The following BIRC6 variants were observed in gnomAD, a reference collection of about 807,000 sequenced individuals.
BIRC6 encodes dual E2 ubiquitin-conjugating enzyme/E3 ubiquitin-protein ligase BIRC6.
BIRC6 carries 98 observed loss-of-function variants against 503.3 expected under a neutral mutation model. The ratio of observed to expected loss-of-function variants is 0.19; its 90% CI spans 0.17 to 0.23. BIRC6 has a LOEUF of 0.23. BIRC6 is among the 10% of genes least tolerant of loss of function. The pLI is 1.00. For synonymous variants in BIRC6, 2,240 were observed against 2,078.7 expected, an observed-to-expected ratio of 1.08 and a Z score of -2.11; for missense variants, 5,360 against 5,806.0, an observed-to-expected ratio of 0.92 and a Z score of 2.50.
At chr2:32,555,674 C>T (rs2058721667) in intron 65 of BIRC6, among the ~76,000 whole-genome samples, 1 of 150,818 alleles carries the variant, frequency 6.6e-6, no homozygotes, top group Non-Finnish European at 1.5e-5. Flanking sequence ...GATTATTCTA[C>T]TAATTAGAGT....
intron 1 of BIRC6, among the ~76,000 whole-genome samples, chr2:32,360,753 C>T (rs568251427): frequency 1.2e-4 from 18 of 152,214 alleles, no homozygotes; most frequent in African/African-American, 4.1e-4. Flanking sequence ...CCGTCTTGAA[C>T]TATTTAAGTT....
intron 63 of BIRC6, among the ~76,000 whole-genome samples, chr2:32,546,716 T>C (rs544422273): frequency 6.6e-6 from 1 of 152,206 alleles, no homozygotes; most frequent in Non-Finnish European, 1.5e-5. Flanking sequence ...TATAAAGATA[T>C]ATTTTAGAAT....
chr2:32,386,254 A>G (rs908521120), intron 3 of BIRC6, among the ~76,000 whole-genome samples: 9 of 152,162 alleles, frequency 5.9e-5, no homozygotes, highest in Non-Finnish European at 1.2e-4. Flanking sequence ...TAGAACTGTA[A>G]CTACCTACCA....
intron 1 of BIRC6, among the ~76,000 whole-genome samples, chr2:32,369,945 A>AAAT (rs1553373676): frequency 2.7e-4 from 12 of 44,182 alleles, no homozygotes; most frequent in Non-Finnish European, 4.0e-4. Flanking sequence ...AAAAAAAAAA[A>AAAT]ATATATATAT....
chr2:32,382,922 C>A (rs2037892606), intron 3 of BIRC6, among the ~76,000 whole-genome samples: 1 of 151,972 alleles, frequency 6.6e-6, no homozygotes, highest in African/African-American at 2.4e-5. Flanking sequence ...TGGGGTTTCA[C>A]TATGTTGGTC....
In BIRC6 at chr2:32,367,166, A is replaced by G. The variant is rs186905164; in HGVS notation, c.325+9680A>G. On this transcript the variant is annotated intron_variant, in intron 1 of 73. Coordinates refer to ENST00000421745, the MANE Select transcript of BIRC6 (RefSeq NM_016252.4). ...ATAAAAAGAATACAGTAATTGCTTT[A>G]TAAAACAGTCTGTGGCCTGGGCATG... Among the ~76,000 whole-genome samples, 163 of 66,920 alleles carry G rather than the reference A, an allele frequency of 2.4e-3. 1 individual carries two copies. Among genetic ancestry groups the G allele is most frequent in the East Asian group, 1.3e-3 (3 of 2,232 alleles). 43.9% of individuals were successfully genotyped at this position (66,920 alleles called of 152,430 possible). A position where few individuals can be genotyped will look rare whatever the true frequency, so the allele number is the denominator to read the frequency against.
intron 10 of BIRC6, among the ~76,000 whole-genome samples, chr2:32,417,144 T>C (rs2042465950): frequency 6.6e-6 from 1 of 151,954 alleles, no homozygotes; most frequent in African/African-American, 2.4e-5. Flanking sequence ...GCCTTTTCTT[T>C]TCTTTCTCAG....
At chr2:32,475,561 A>T (rs1029785187) in intron 33 of BIRC6, among the ~76,000 whole-genome samples, 1 of 152,236 alleles carries the variant, frequency 6.6e-6, no homozygotes, top group Non-Finnish European at 1.5e-5. Flanking sequence ...ATCCAACTAA[A>T]TACGTACACA....
At position 32,415,736 on chromosome 2, in the gene BIRC6, T is replaced by A. The variant is rs958667117; in HGVS notation, c.2445T>A (p.Pro815=). 1.5e-5 allele frequency: 25 copies of A among 1,613,710 alleles called. No homozygotes were observed. Among genetic ancestry groups the A allele is most frequent in the East Asian group, 2.2e-5 (1 of 44,894 alleles). ...TACAGACTCCTTTAATAATTCAGCC[T>A]GAGCAGAGGAATGTTAGTGGTGGAT... ...ADVQTPLIIQ[P]EQRNVSGGYL... Residue 815 remains proline (P), a synonymous_variant, in exon 10 of 74, where the codon CCT becomes CCA. Transcript: ENST00000421745.
In BIRC6 at chr2:32,509,852, A is replaced by G. The variant is rs773400708; in HGVS notation, c.10095A>G (p.Leu3365=). 24 of 1,613,842 alleles carry G rather than the reference A, an allele frequency of 1.5e-5. No individual in the cohort carries two copies. Among genetic ancestry groups the G allele is most frequent in the Non-Finnish European group, 3.4e-6 (4 of 1,179,884 alleles). ...TANLLQTCAA[L]LMSPYCGMHS... is the part of the protein sequence containing the mutation. ...ATCTGCTGCAGACTTGTGCGGCCTTATTGATGTCACCTTACTGTGGAATGC... is the reference window on the plus strand; with the variant it reads ...ATCTGCTGCAGACTTGTGCGGCCTTGTTGATGTCACCTTACTGTGGAATGC... Residue 3365 remains leucine (L), a synonymous_variant, in exon 52 of 74, where the codon TTA becomes TTG. Coordinates refer to ENST00000421745, the MANE Select transcript of BIRC6 (RefSeq NM_016252.4).
chr2:32,430,812 T>C (rs2044017859), intron 11 of BIRC6, 53 bp from the exon 12 acceptor site: 1 of 908,286 alleles, frequency 1.1e-6, no homozygotes, highest in Non-Finnish European at 1.5e-6. Flanking sequence ...CTTCTTTTTT[T>C]TTTTTTTTTT....
intron 10 of BIRC6, among the ~76,000 whole-genome samples, chr2:32,423,169 C>T (rs2043120801): frequency 1.3e-5 from 2 of 152,152 alleles, no homozygotes; most frequent in African/African-American, 2.4e-5. Flanking sequence ...ACCTTAAGTG[C>T]TCCGCCCGCC....
In BIRC6 at chr2:32,468,480, A is replaced by G. The variant is rs757137580; in HGVS notation, c.5824A>G (p.Ile1942Val). ...TCGTCTGGAAACCCTTTTGCAAAGT[A>G]TTGATCTTCCTCCTCTAAACAGTGC... is the stretch of plus-strand genomic sequence containing the variant. ...CHRLETLLQS[I>V]DLPPLNSANN... Residue 1942 changes from isoleucine to valine, a missense_variant, in exon 29 of 74, where the codon ATT becomes GTT. Around this residue, in one of 16 missense-constraint regions of BIRC6, gnomAD observed 2,299 missense variants for 2,267.2 expected, o/e 1.01. Coordinates refer to ENST00000421745, the MANE Select transcript of BIRC6 (RefSeq NM_016252.4). 4.4e-6 allele frequency: 7 copies of G among 1,606,670 alleles called. No individual in the cohort carries two copies. In the Middle Eastern group the frequency reaches 1.0e-3, roughly 229 times the overall value.
intron 33 of BIRC6, among the ~76,000 whole-genome samples, chr2:32,475,239 A>T (rs2049607368): frequency 1.3e-5 from 2 of 151,872 alleles, no homozygotes; most frequent in South Asian, 2.1e-4. Flanking sequence ...ATAAGCTGCT[A>T]ACTCAATTAT....
At chr2:32,419,638 A>G (rs2042733054) in intron 10 of BIRC6, among the ~76,000 whole-genome samples, 1 of 152,204 alleles carries the variant, frequency 6.6e-6, no homozygotes, top group Non-Finnish European at 1.5e-5. Context: ...TGCTTAAAAA[A>G]TAAAGTTTTT....
At chr2:32,377,213 A>ATG (rs59912267) in intron 1 of BIRC6, among the ~76,000 whole-genome samples, 36,784 of 144,070 alleles carry the variant, frequency 0.26, 4,418 homozygotes, top group Non-Finnish European at 0.29. Context: ...CTTAATATAT[A>ATG]TGTGTGTGTG....
At chr2:32,514,377 C>T (rs538335923) in intron 54 of BIRC6, among the ~76,000 whole-genome samples, 1 of 152,284 alleles carries the variant, frequency 6.6e-6, no homozygotes, top group East Asian at 1.9e-4. Flanking sequence ...CTAGATTGTC[C>T]TTTTGACAAG....
intron 10 of BIRC6, among the ~76,000 whole-genome samples, chr2:32,427,094 T>C (rs1248953093): frequency 6.6e-6 from 1 of 152,102 alleles, no homozygotes; most frequent in African/African-American, 2.4e-5. Context: ...ATATGTGTTA[T>C]TTCTTTGTGT....
chr2:32,508,900 G>A (rs1033016539), intron 51 of BIRC6, among the ~76,000 whole-genome samples: 1 of 151,832 alleles, frequency 6.6e-6, no homozygotes, highest in Non-Finnish European at 1.5e-5. Context: ...CTAGCTAACA[G>A]GGCGAAACCC....
Sources: gnomAD v4.1 joint callset for allele counts (sites outside exome capture counted in the v4.1 genomes callset) on GRCh38, gnomAD v4.1.1 for gene constraint, gnomAD v4.1.1 regional missense constraint, MANE v1.5 for transcripts, NCBI Gene and HGNC (gene_info 2026-07-23, HGNC 2026-07-21) for gene names.